BCR: variants seen among roughly 807,000 people sequenced by gnomAD.
BCR encodes the protein BCR activator of RhoGEF and GTPase.
In BCR, 58 loss-of-function variants were observed where a neutral mutation model predicts 138.6. The observed-to-expected ratio is 0.42, with a 90% CI of 0.34 to 0.52. The LOEUF is 0.52. Ranked by LOEUF, BCR falls within the 20% of genes least tolerant of loss-of-function variation. BCR has a pLI of 0.06. For missense variants in BCR, 1,599 were observed against 1,727.2 expected (o/e 0.93, Z 1.32); for synonymous variants, 786 against 730.1 (o/e 1.08, Z -1.23).
chr22:23,311,630 G>C, intron 18 of BCR, 67 bp from the exon 19 acceptor site: 1 of 1,402,042 alleles, frequency 7.1e-7, no homozygotes, highest in Non-Finnish European at 1.0e-6. Flanking sequence ...CAGATATGGA[G>C]CAGGTCTCCT....
At chr22:23,204,383 C>T (rs1052904568) in intron 1 of BCR, among the ~76,000 whole-genome samples, 1 of 145,334 alleles carries the variant, frequency 6.9e-6, no homozygotes, top group Non-Finnish European at 1.5e-5. Context: ...TTTTAAGATC[C>T]GTTAGTTTTG....
intron 3 of BCR, 142 bp downstream of exon 3, chr22:23,261,196 T>C: frequency 8.2e-7 from 1 of 1,216,626 alleles, no homozygotes; most frequent in South Asian, 1.4e-5. Context: ...AGTGGAAGAC[T>C]GAGTTGCCAA....
intron 1 of BCR, among the ~76,000 whole-genome samples, chr22:23,214,569 C>T (rs750244970): frequency 7.2e-5 from 11 of 152,198 alleles, no homozygotes; most frequent in East Asian, 3.9e-4. Flanking sequence ...CGGATTATTT[C>T]GTGCTTCGTG....
intron 16 of BCR, chr22:23,307,438 G>C (rs1283739541): frequency 6.6e-6 from 1 of 151,494 alleles, no homozygotes; most frequent in Non-Finnish European, 1.5e-5. Flanking sequence ...CCTTTCCAGA[G>C]AAAGCGCACT....
chr22:23,264,043 T>C (rs2146279552), intron 4 of BCR: 3 of 997,054 alleles, frequency 3.0e-6, no homozygotes, highest in Non-Finnish European at 4.8e-6. Flanking sequence ...TTCGCACTGC[T>C]CTCCTGTGGC....
intron 1 of BCR, among the ~76,000 whole-genome samples, chr22:23,191,608 T>C (rs1211843428): frequency 6.6e-6 from 1 of 152,214 alleles, no homozygotes; most frequent in Non-Finnish European, 1.5e-5. Flanking sequence ...TATGCCCTGC[T>C]GTAGTGTCCT....
At chr22:23,205,718 C>T (rs925577132) in intron 1 of BCR, among the ~76,000 whole-genome samples, 3 of 150,420 alleles carry the variant, frequency 2.0e-5, no homozygotes, top group African/African-American at 7.4e-5. Flanking sequence ...CAGATAGTAA[C>T]TAATTTTATG....
At chr22:23,231,361 C>T (rs2072956063) in intron 1 of BCR, among the ~76,000 whole-genome samples, 2 of 151,828 alleles carry the variant, frequency 1.3e-5, no homozygotes, top group Admixed American at 6.6e-5. Context: ...ATAAAATTAG[C>T]TGGATGTGGT....
intron 1 of BCR, among the ~76,000 whole-genome samples, chr22:23,211,920 G>C: frequency 6.6e-6 from 1 of 152,142 alleles, no homozygotes; most frequent in East Asian, 1.9e-4. Context: ...TAGATTTGGG[G>C]CTGCTCCTCT....
At chr22:23,186,624 G>T (rs190205143) in intron 1 of BCR, among the ~76,000 whole-genome samples, 1 of 152,280 alleles carries the variant, frequency 6.6e-6, no homozygotes, top group Non-Finnish European at 1.5e-5. Flanking sequence ...GATACCTCAT[G>T]TAAGTCCAGT....
At chr22:23,241,024 G>A (rs1204441597) in intron 1 of BCR, among the ~76,000 whole-genome samples, 1 of 152,188 alleles carries the variant, frequency 6.6e-6, no homozygotes, top group Non-Finnish European at 1.5e-5. Flanking sequence ...TCCTTTTTGA[G>A]GCTGAATAAT....
chr22:23,197,250 T>C (rs754962346), intron 1 of BCR, among the ~76,000 whole-genome samples: 3 of 152,212 alleles, frequency 2.0e-5, no homozygotes, highest in Non-Finnish European at 2.9e-5. Context: ...AGCAATAGGC[T>C]GTGCCACGTA....
At chr22:23,210,666 C>T (rs1186124870) in intron 1 of BCR, among the ~76,000 whole-genome samples, 1 of 152,204 alleles carries the variant, frequency 6.6e-6, no homozygotes, top group Non-Finnish European at 1.5e-5. Context: ...TTGCAGCCCA[C>T]GACACCACTG....
intron 1 of BCR, among the ~76,000 whole-genome samples, chr22:23,186,120 A>C (rs1188210481): frequency 6.6e-6 from 1 of 152,200 alleles, no homozygotes; most frequent in Non-Finnish European, 1.5e-5. Flanking sequence ...GTGAGATCAG[A>C]GAAGCTTCCG....
chr22:23,283,925 C>A (rs368926085), intron 8 of BCR, 52 bp from the exon 9 acceptor site: 1 of 1,517,966 alleles, frequency 6.6e-7, no homozygotes, highest in Non-Finnish European at 8.8e-7. Flanking sequence ...CCGAACACCC[C>A]CCACCCATCA....
chr22:23,251,815 C>T (rs1663088129), intron 1 of BCR, among the ~76,000 whole-genome samples: 2 of 152,136 alleles, frequency 1.3e-5, no homozygotes, highest in South Asian at 2.1e-4. Context: ...GCCTCAAAGT[C>T]CCCCTTTGGA....
In BCR at chr22:23,181,640, C is replaced by T. The variant is rs764007022; in HGVS notation, c.680C>T (p.Ser227Phe). ...GCGGGCTCGAGCGTGGGGGATGCAT[C>T]CAGGCCCCCTTACCGGGGACGCTCC... ...HGAGSSVGDA[S>F]RPPYRGRSSE... The change falls in exon 1 of 23, where the codon TCC becomes TTC. Residue 227 changes from serine to phenylalanine, a missense_variant. By Grantham distance (155) the Ser-to-Phe change is radical. Around this residue, in one of 4 missense-constraint regions of BCR, gnomAD observed 806 missense variants for 635.0 expected, o/e 1.27. Transcript: ENST00000305877. The T allele has an allele frequency of 1.9e-6, 3 of 1,610,104 alleles. No individual in the cohort carries two copies. Among genetic ancestry groups the T allele is most frequent in the Non-Finnish European group, 2.5e-6 (3 of 1,179,928 alleles).
rs957503902 is a variant in BCR at position 23,283,915 on chromosome 22, C to T, written c.2116-62C>T. The T allele has an allele frequency of 5.5e-5, 81 of 1,485,312 alleles. 1 individual carries two copies. The Admixed American group carries it at 1.9e-3, about 36-fold the overall frequency. The allele number at this position is 1,485,312 out of a possible 1,614,324, so 92.0% of individuals were successfully genotyped here. ...ACCTGCTCCTGCTGGGCTGGGAGGG[C>T]CGAACACCCCCCACCCATCACCCCA... On this transcript the variant is annotated intron_variant, in intron 8 of 22. Coordinates refer to ENST00000305877, the MANE Select transcript of BCR (RefSeq NM_004327.4).
chr22:23,241,354 T>G (rs578260832), intron 1 of BCR, among the ~76,000 whole-genome samples: 1 of 152,284 alleles, frequency 6.6e-6, no homozygotes, highest in East Asian at 1.9e-4. Flanking sequence ...ACCCTCTGTA[T>G]TTCCTCTTTG....
Sources: gnomAD v4.1 joint callset for allele counts (sites outside exome capture counted in the v4.1 genomes callset) on GRCh38, gnomAD v4.1.1 for gene constraint, gnomAD v4.1.1 regional missense constraint, MANE v1.5 for transcripts, NCBI Gene and HGNC (gene_info 2026-07-23, HGNC 2026-07-21) for gene names.